FOXN1: variants seen among roughly 807,000 people sequenced by gnomAD.
FOXN1 encodes forkhead box protein N1.
In FOXN1, 15 loss-of-function variants were observed where a neutral mutation model predicts 49.0. The observed-to-expected ratio is 0.31, with a 90% confidence interval of 0.20 to 0.47. The LOEUF (loss-of-function observed/expected upper bound fraction) is 0.47. Ranked by LOEUF, FOXN1 falls within the 20% of genes least tolerant of loss-of-function variation. The probability of loss-of-function intolerance (pLI) is 1.00; values close to 1 mark genes in which losing one functional copy is unlikely to be tolerated. For missense variants in FOXN1, 800 were observed against 842.8 expected, an observed-to-expected ratio of 0.95 and a Z score of 0.63; for synonymous variants, 356 against 369.0, an observed-to-expected ratio of 0.96 and a Z score of 0.40.
intron 1 of FOXN1, among the ~76,000 whole-genome samples, chr17:28,520,151 A>G (rs1241894628): frequency 1.3e-5 from 2 of 152,240 alleles, no homozygotes; most frequent in East Asian, 1.9e-4. Context: ...AAAGTCCCAC[A>G]GTTCCTGCGA....
chr17:28,535,728 G>A (rs2070046347), intron 8 of FOXN1, among the ~76,000 whole-genome samples: 2 of 152,200 alleles, frequency 1.3e-5, no homozygotes, highest in Non-Finnish European at 1.5e-5. Context: ...GAGTGACAGA[G>A]CGAGACTCCG....
At chr17:28,524,286 G>A (rs2069711993) in intron 2 of FOXN1, among the ~76,000 whole-genome samples, 194 bp downstream of exon 2, 1 of 152,102 alleles carries the variant, frequency 6.6e-6, no homozygotes, top group Non-Finnish European at 1.5e-5. Context: ...CCTGTCCCAG[G>A]GCTGTGAGCC....
At chr17:28,527,662 GA>G (rs1167642506) in intron 4 of FOXN1, among the ~76,000 whole-genome samples, 1 of 152,202 alleles carries the variant, frequency 6.6e-6, no homozygotes, top group Non-Finnish European at 1.5e-5. Flanking sequence ...ATGGGGGAAG[GA>G]GGAGAGCTGC....
At chr17:28,533,108 A>T (rs1229660745) in intron 6 of FOXN1, among the ~76,000 whole-genome samples, 1 of 152,238 alleles carries the variant, frequency 6.6e-6, no homozygotes, top group Non-Finnish European at 1.5e-5. Context: ...TGACGCTGGC[A>T]TCAAGACCCA....
chr17:28,510,736 A>C (rs974902401), intron 1 of FOXN1, among the ~76,000 whole-genome samples: 2 of 152,134 alleles, frequency 1.3e-5, no homozygotes, highest in Non-Finnish European at 2.9e-5. Flanking sequence ...CTTCCTCTGG[A>C]GAGGGTTCCT....
At chr17:28,521,371 C>CAGCCCCCTGCACCA (rs956390055) in intron 1 of FOXN1, among the ~76,000 whole-genome samples, 1 of 152,190 alleles carries the variant, frequency 6.6e-6, no homozygotes, top group Non-Finnish European at 1.5e-5. Flanking sequence ...TGGAGAATGC[C>CAGCCCCCTGCACCA]AGCCCCCTGC....
chr17:28,517,542 A>G (rs963399334), intron 1 of FOXN1, among the ~76,000 whole-genome samples: 1 of 149,466 alleles, frequency 6.7e-6, no homozygotes, highest in African/African-American at 2.5e-5. Flanking sequence ...TCCACAGGGT[A>G]CATGCCTGCA....
At chr17:28,512,289 T>C (rs1555607134) in intron 1 of FOXN1, among the ~76,000 whole-genome samples, 1 of 152,226 alleles carries the variant, frequency 6.6e-6, no homozygotes, top group Non-Finnish European at 1.5e-5. Flanking sequence ...CTTTCTTCTC[T>C]AGAAACCAAT....
At chr17:28,525,059 A>G in intron 3 of FOXN1, 92 bp downstream of exon 3, 1 of 1,024,154 alleles carries the variant, frequency 9.8e-7, no homozygotes, top group Non-Finnish European at 1.5e-6. Flanking sequence ...CCAAAGTCCC[A>G]CCTTCTCTTT....
chr17:28,522,368 G>T (rs1275599323), intron 1 of FOXN1, among the ~76,000 whole-genome samples: 1 of 152,182 alleles, frequency 6.6e-6, no homozygotes, highest in Non-Finnish European at 1.5e-5. Context: ...AGAGTGAGAG[G>T]CCGGGCACAG....
chr17:28,538,629 CACCCATG>C lies in FOXN1; in HGVS notation c.*1194_*1200del, dbSNP rs887665071. 9 of 152,224 alleles carry C rather than the reference CACCCATG, an allele frequency of 5.9e-5. 1 individual carries two copies. The highest frequency in any genetic ancestry group is 2.6e-4 in the Admixed American group (4 of 15,286). The allele number at this position is 152,224 out of a possible 1,614,324, so 9.4% of individuals were successfully genotyped here. The stretch of plus-strand genomic sequence containing the variant: ...AGCCTGGCACAGGGTGACAGGGAAG[CACCCATG>C]CAAAGCACCCCCGCTTTGACTGCTT... On this transcript the variant is annotated 3_prime_UTR_variant, in exon 9 of 9. Coordinates refer to ENST00000579795, the MANE Select transcript of FOXN1 (RefSeq NM_001369369.1).
intron 3 of FOXN1, among the ~76,000 whole-genome samples, chr17:28,526,690 C>T (rs546113478): frequency 6.6e-6 from 1 of 152,290 alleles, no homozygotes; most frequent in African/African-American, 2.4e-5. Context: ...GGAGTCAGAG[C>T]GGAGAGGAGT....
Position 28,537,418 on chromosome 17 carries a change from G to A in FOXN1, c.1929G>A (p.Lys643=). 2 of 1,612,846 alleles carry A rather than the reference G, an allele frequency of 1.2e-6. No homozygotes were observed. Among genetic ancestry groups the A allele is most frequent in the Non-Finnish European group, 1.7e-6 (2 of 1,179,516 alleles). ...GPSVYLSPSS[K]PVALA ...CTGTGTACCTCAGCCCCAGCTCCAA[G>A]CCCGTGGCCCTGGCATGAGCTGTGC... Residue 643 remains lysine (K), a synonymous_variant, in exon 9 of 9, where the codon AAG becomes AAA. Transcript: ENST00000579795.
chr17:28,525,045 G>A (rs1030525491), intron 3 of FOXN1, 78 bp downstream of exon 3: 3 of 1,137,200 alleles, frequency 2.6e-6, no homozygotes, highest in Admixed American at 2.0e-5. Flanking sequence ...TCAGACCTCT[G>A]AGACCAAAGT....
In FOXN1 at chr17:28,534,807, C is replaced by A. The variant is rs757627916; in HGVS notation, c.1236C>A (p.Pro412=). Residue 412 remains proline (P), a synonymous_variant, in exon 8 of 9, where the codon CCC becomes CCA. Transcript: ENST00000579795. The surrounding 1 kb of genome is among the most constrained non-coding windows in gnomAD (Gnocchi z 4.1). ...PGLSGSGPIR[P]LAPPAGLSPP... ...TGTCCGGCTCAGGCCCCATCCGGCCCCTGGCACCCCCAGCTGGCCTCTCCC... is the reference window on the plus strand; with the variant it reads ...TGTCCGGCTCAGGCCCCATCCGGCCACTGGCACCCCCAGCTGGCCTCTCCC... The A allele has an allele frequency of 6.2e-7, 1 of 1,613,908 alleles. No individual in the cohort carries two copies. The highest frequency in any genetic ancestry group is 1.3e-5 in the African/African-American group (1 of 75,066).
intron 3 of FOXN1, 23 bp from the exon 4 acceptor site, chr17:28,527,228 T>C (rs368663316): frequency 1.3e-6 from 2 of 1,501,976 alleles, no homozygotes; most frequent in Non-Finnish European, 1.9e-6. Context: ...CCTAATCTAG[T>C]CATCTGCTTT....
intron 1 of FOXN1, among the ~76,000 whole-genome samples, chr17:28,509,224 A>T (rs918463864): frequency 6.6e-6 from 1 of 151,548 alleles, no homozygotes; most frequent in Non-Finnish European, 1.5e-5. Flanking sequence ...CCCAACTCCA[A>T]CCTCATCCCT....
Position 28,537,980 on chromosome 17 carries a change from AT to A in FOXN1, c.*546del. 1 of 159,924 alleles carries A rather than the reference AT, an allele frequency of 6.3e-6. No homozygotes were observed. The highest frequency in any genetic ancestry group is 6.0e-5 in the Admixed American group (1 of 16,656). 9.9% of individuals were successfully genotyped at this position (159,924 alleles called of 1,614,324 possible). A position where few individuals can be genotyped will look rare whatever the true frequency, so the allele number is the denominator to read the frequency against. ...TCTTTCCCAGAAGCGCCCTGTATTT[AT>A]TCCCCCATCTTCATCCCAACAGCCC... On this transcript the variant is annotated 3_prime_UTR_variant, in exon 9 of 9. Coordinates refer to ENST00000579795, the MANE Select transcript of FOXN1 (RefSeq NM_001369369.1).
At chr17:28,521,163 A>G (rs1025040361) in intron 1 of FOXN1, among the ~76,000 whole-genome samples, 2 of 152,218 alleles carry the variant, frequency 1.3e-5, no homozygotes, top group African/African-American at 4.8e-5. Context: ...TGAGGCACAG[A>G]GAGCTACACA....
Sources: gnomAD v4.1 joint callset for allele counts (sites outside exome capture counted in the v4.1 genomes callset) on GRCh38, gnomAD v4.1.1 for gene constraint, Gnocchi (gnomAD v3.1) non-coding constraint, MANE v1.5 for transcripts, NCBI Gene and HGNC (gene_info 2026-07-23, HGNC 2026-07-21) for gene names.